The following PCDHA7 variants were observed in gnomAD, a reference collection of about 807,000 sequenced individuals.
The protein encoded by PCDHA7 is protocadherin alpha 7.
A neutral mutation model predicts 57.2 loss-of-function variants in PCDHA7; 37 were observed. The ratio of observed to expected loss-of-function variants is 0.65; its 90% confidence interval spans 0.50 to 0.85. The LOEUF (loss-of-function observed/expected upper bound fraction) is 0.85. Ranked by LOEUF, PCDHA7 falls within the 40% of genes least tolerant of loss-of-function variation. The pLI, the probability that PCDHA7 is intolerant of heterozygous loss-of-function variation, is 0.00. For synonymous variants in PCDHA7, 553 were observed against 558.8 expected (o/e 0.99, Z 0.15); for missense variants, 1,188 against 1,241.8 (o/e 0.96, Z 0.65).
At chr5:140,966,695 CGGGCGTGGGGCACGGCT>C (rs2096039584) in intron 1 of PCDHA7, 1 of 1,358,374 alleles carries the variant, frequency 7.4e-7, no homozygotes. Flanking sequence ...AGGCGGGGCC[CGGGCGTGGGGCACGGCT>C]GGGGAAGCTG....
intron 1 of PCDHA7, chr5:140,884,138 G>T (rs782798249): frequency 6.2e-7 from 1 of 1,613,410 alleles, no homozygotes; most frequent in Admixed American, 1.7e-5. Context: ...CCCGTTCCGC[G>T]TGGGGCTGTA....
intron 1 of PCDHA7, chr5:140,883,657 C>A (rs782568456): frequency 1.2e-6 from 2 of 1,613,470 alleles, no homozygotes; most frequent in East Asian, 4.5e-5. Context: ...ACACGGTGTT[C>A]GTGAAGGAAA....
In PCDHA7 at chr5:140,839,587, A is replaced by C. The variant is rs192015697; in HGVS notation, c.2355+2849A>C. ...GTATTTTTTGTAGAGATGGGGTCTT[A>C]CCATGTTGCCCAGGCTGGTCTCAAA... On this transcript the variant is annotated intron_variant, in intron 1 of 3. Coordinates refer to ENST00000525929, the MANE Select transcript of PCDHA7 (RefSeq NM_018910.3). Among the ~76,000 whole-genome samples, 93 of 152,088 alleles carry C rather than the reference A, an allele frequency of 6.1e-4. 1 individual carries two copies. The highest frequency in any genetic ancestry group is 2.0e-3 in the African/African-American group (82 of 41,446).
chr5:140,966,885 C>A (rs1554228854), intron 1 of PCDHA7: 1 of 1,590,816 alleles, frequency 6.3e-7, no homozygotes, highest in Admixed American at 1.7e-5. Flanking sequence ...CCTGGCCCTG[C>A]GGCCTCCCAG....
At chr5:141,009,205 A>G (rs1325707221) in intron 3 of PCDHA7, among the ~76,000 whole-genome samples, 8 of 152,192 alleles carry the variant, frequency 5.3e-5, no homozygotes, top group Non-Finnish European at 1.2e-4. Flanking sequence ...CTATGATTCC[A>G]ACACTTTGGG....
intron 3 of PCDHA7, among the ~76,000 whole-genome samples, chr5:141,004,307 A>G (rs924420604): frequency 6.6e-6 from 1 of 152,224 alleles, no homozygotes; most frequent in Admixed American, 6.5e-5. Context: ...TTTGTTTTAT[A>G]CAACAACCAG....
intron 1 of PCDHA7, among the ~76,000 whole-genome samples, chr5:140,905,373 G>A (rs556428182): frequency 6.6e-6 from 1 of 152,118 alleles, no homozygotes; most frequent in East Asian, 1.9e-4. Context: ...CTGGTTCTCT[G>A]TTCTGTTTCA....
chr5:140,947,580 A>G (rs1031254382), intron 1 of PCDHA7, among the ~76,000 whole-genome samples: 2 of 151,664 alleles, frequency 1.3e-5, no homozygotes, highest in Non-Finnish European at 3.0e-5. Context: ...TGTTTTTAAC[A>G]TTTAGATCAA....
chr5:140,978,898 G>A (rs2096827765), intron 1 of PCDHA7, 51 bp from the exon 2 acceptor site: 1 of 1,612,868 alleles, frequency 6.2e-7, no homozygotes. Flanking sequence ...GCATTCCTGG[G>A]AGAACATTGT....
chr5:140,850,323 G>A (rs2150479672), intron 1 of PCDHA7: 4 of 1,597,370 alleles, frequency 2.5e-6, no homozygotes, highest in Non-Finnish European at 3.4e-6. Context: ...GCTTTCATAC[G>A]AGCTGCAGCC....
At chr5:140,926,053 C>T (rs768010675) in intron 1 of PCDHA7, among the ~76,000 whole-genome samples, 10 of 152,230 alleles carry the variant, frequency 6.6e-5, no homozygotes, top group Non-Finnish European at 1.5e-4. Context: ...CCCCAACCTT[C>T]TTCCCCTCCT....
chr5:140,869,788 T>A (rs782425741), intron 1 of PCDHA7: 1 of 1,612,892 alleles, frequency 6.2e-7, no homozygotes, highest in East Asian at 2.2e-5. Flanking sequence ...CGTTCGGCTG[T>A]TAGTCCAAGT....
intron 1 of PCDHA7, among the ~76,000 whole-genome samples, chr5:140,891,369 A>G (rs13168533): frequency 0.051 from 7,710 of 152,068 alleles, 281 homozygotes; most frequent in Non-Finnish European, 0.073. Context: ...AGCAGTATAC[A>G]TTGCACCATA....
Position 140,892,397 on chromosome 5 carries a change from T to C in PCDHA7, c.2355+55659T>C, listed in dbSNP as rs554853881. On this transcript the variant is annotated intron_variant, in intron 1 of 3. Coordinates refer to ENST00000525929, the MANE Select transcript of PCDHA7 (RefSeq NM_018910.3). ...GCAATCATGGGTAATCTTAATCTAT[T>C]TCAAGCTTCAGGTATTCTAGATAAA... is the stretch of plus-strand genomic sequence containing the variant. Among the ~76,000 whole-genome samples the C allele has an allele frequency of 2.0e-5, 3 of 152,326 alleles. No homozygotes were observed. The South Asian group carries it at 6.2e-4, about 32-fold the overall frequency.
rs782180138 is a variant in PCDHA7, at chr5:140,856,292, A to G, written c.2355+19554A>G. 5 of 1,598,490 alleles carry G rather than the reference A, an allele frequency of 3.1e-6. 1 individual carries two copies. The stretch of plus-strand genomic sequence containing the variant: ...TCTGGAGGTAAATCTGCAGAATGGC[A>G]TTTTGTTTGTGAATTCTCGGATTGA... On this transcript the variant is annotated intron_variant, in intron 1 of 3. Transcript: ENST00000525929.
intron 1 of PCDHA7, among the ~76,000 whole-genome samples, chr5:140,837,365 T>C (rs1775021898): frequency 6.6e-6 from 1 of 152,028 alleles, no homozygotes; most frequent in African/African-American, 2.4e-5. Context: ...GGCAGTTTAA[T>C]AGTATTTTTT....
intron 1 of PCDHA7, chr5:140,860,966 T>A (rs2046677867): frequency 6.6e-6 from 1 of 152,238 alleles, no homozygotes; most frequent in African/African-American, 2.4e-5. Context: ...CTAGATCTCC[T>A]GACCTCGTGA....
intron 1 of PCDHA7, among the ~76,000 whole-genome samples, chr5:140,921,583 TA>T (rs2080282425): frequency 6.6e-6 from 1 of 152,200 alleles, no homozygotes; most frequent in South Asian, 2.1e-4. Flanking sequence ...GCTCATACTA[TA>T]TTATGGTTTC....
At chr5:140,882,658 G>T in intron 1 of PCDHA7, 4 of 1,614,148 alleles carry the variant, frequency 2.5e-6, no homozygotes, top group South Asian at 1.1e-5. Flanking sequence ...ACGACAACCC[G>T]CCCATATTCC....
Sources: allele counts gnomAD v4.1 joint callset (sites outside exome capture counted in the v4.1 genomes callset), GRCh38; gene constraint gnomAD v4.1.1; transcripts MANE v1.5; gene names NCBI Gene and HGNC (gene_info 2026-07-23, HGNC 2026-07-21).